Variants in SENP6 observed in about 807,000 individuals in gnomAD.
SENP6 encodes the protein SUMO specific peptidase 6, also known as sentrin-specific protease 6.
SENP6 carries 41 observed loss-of-function variants against 134.5 expected under a neutral mutation model. That is an observed-to-expected ratio of 0.30 (90% CI 0.24 to 0.40). The LOEUF is 0.40. SENP6 is among the 10% of genes least tolerant of loss of function. SENP6 has a pLI of 1.00. For missense variants in SENP6, 1,248 were observed against 1,312.5 expected, an observed-to-expected ratio of 0.95 and a Z score of 0.76; for synonymous variants, 395 against 429.8, an observed-to-expected ratio of 0.92 and a Z score of 1.00.
At chr6:75,649,208 G>A (rs190803174) in intron 7 of SENP6, among the ~76,000 whole-genome samples, 49 of 151,918 alleles carry the variant, frequency 3.2e-4, no homozygotes, top group Admixed American at 2.8e-3. Flanking sequence ...CCAGCTACTC[G>A]GAAGGCTGAG....
At chr6:75,670,398 C>T (rs1772576763) in intron 10 of SENP6, among the ~76,000 whole-genome samples, 155 bp from the exon 11 acceptor site, 1 of 152,062 alleles carries the variant, frequency 6.6e-6, no homozygotes, top group Non-Finnish European at 1.5e-5. Flanking sequence ...TATATAAAAA[C>T]CATGAATTTT....
chr6:75,699,336 A>C (rs1339652248), intron 18 of SENP6, among the ~76,000 whole-genome samples: 1 of 124,622 alleles, frequency 8.0e-6, no homozygotes, highest in South Asian at 2.7e-4. Flanking sequence ...AAATCAAGAG[A>C]GCTTGTTTTT....
intron 16 of SENP6, among the ~76,000 whole-genome samples, chr6:75,691,841 G>A (rs1361549034): frequency 1.3e-5 from 2 of 151,860 alleles, no homozygotes; most frequent in African/African-American, 4.8e-5. Context: ...TGATCCGCCC[G>A]CCTCGGCCTC....
Position 75,695,886 on chromosome 6 carries a change from CAGAG to C in SENP6, c.2165_2168del (p.Glu722GlyfsTer19). 1 of 1,605,966 alleles carries C rather than the reference CAGAG, an allele frequency of 6.2e-7. No homozygotes were observed. Among genetic ancestry groups the C allele is most frequent in the East Asian group, 2.2e-5 (1 of 44,522 alleles). On this transcript the variant is annotated frameshift_variant, in exon 17 of 24. Transcript: ENST00000447266. LOFTEE classifies it high-confidence loss of function. ...TTCTTTTTTCTATAAACGCCTTAATCAGAGAGAGAGGAGAAATCATGAAACAACT... is the reference window on the plus strand; with the variant it reads ...TTCTTTTTTCTATAAACGCCTTAATCAGAGAGGAGAAATCATGAAACAACT...
At chr6:75,667,022 T>G (rs994982275) in intron 10 of SENP6, 81 bp downstream of exon 10, 2 of 768,264 alleles carry the variant, frequency 2.6e-6, no homozygotes, top group African/African-American at 3.5e-5. Flanking sequence ...GGCAGTTTGG[T>G]AGTGCCAAGA....
rs139949047 is a variant in SENP6, at chr6:75,679,023, T to G, written c.2075+96T>G. 8 of 650,664 alleles carry G rather than the reference T, an allele frequency of 1.2e-5. No homozygotes were observed. In the African/African-American group the frequency reaches 1.3e-4, roughly 11 times the overall value. The allele number at this position is 650,664 out of a possible 1,614,324, so 40.3% of individuals were successfully genotyped here. On this transcript the variant is annotated intron_variant, in intron 16 of 23. Transcript: ENST00000447266. The stretch of plus-strand genomic sequence containing the variant: ...AGAGTCAGGCTTTTTGAGTTTTAAA[T>G]TCCATCTCTGCCACTTACTGTGTGA...
At chr6:75,664,151 T>C (rs1040861179) in intron 9 of SENP6, among the ~76,000 whole-genome samples, 1 of 151,560 alleles carries the variant, frequency 6.6e-6, no homozygotes, top group Non-Finnish European at 1.5e-5. Context: ...TTCTAAAAAA[T>C]AGAAATTGGG....
chr6:75,647,145 T>C (rs775057), intron 6 of SENP6: 140,048 of 152,196 alleles, frequency 0.92, 65,030 homozygotes, highest in South Asian at 0.99. Context: ...GCACTTTTTG[T>C]AGTTCCCCTT....
intron 19 of SENP6, among the ~76,000 whole-genome samples, chr6:75,707,360 T>G (rs1290615610): frequency 1.2e-5 from 1 of 86,124 alleles, no homozygotes; most frequent in Non-Finnish European, 2.2e-5. Context: ...TTCTTCTTTT[T>G]TTTTTTTTTT....
In SENP6 at chr6:75,715,141, G is replaced by A. The variant is rs190174174; in HGVS notation, c.3130-244G>A. ...TGTGTTCCAATAAAACTTTATTACA[G>A]AAACAGGTGGTGGGCAGAATTTGGT... On this transcript the variant is annotated intron_variant, in intron 23 of 23. Transcript: ENST00000447266. 3.3e-3 allele frequency among the ~76,000 whole-genome samples: 508 copies of A among 152,258 alleles called. 4 individuals carry two copies. Among genetic ancestry groups the A allele is most frequent in the African/African-American group, 0.011 (465 of 41,556 alleles).
intron 7 of SENP6, 61 bp from the exon 8 acceptor site, chr6:75,659,201 T>A (rs954294066): frequency 8.1e-7 from 1 of 1,227,570 alleles, no homozygotes; most frequent in Non-Finnish European, 1.1e-6. Flanking sequence ...ATTATTTTTT[T>A]GCTGAAACAC....
intron 12 of SENP6, 101 bp from the exon 13 acceptor site, chr6:75,675,759 T>C (rs1049180688): frequency 7.6e-6 from 8 of 1,056,796 alleles, no homozygotes; most frequent in Non-Finnish European, 1.1e-5. Context: ...ATAATAAATA[T>C]GTGCTTACAT....
At chr6:75,650,014 A>G (rs1022166354) in intron 7 of SENP6, among the ~76,000 whole-genome samples, 5 of 152,204 alleles carry the variant, frequency 3.3e-5, no homozygotes, top group Admixed American at 6.6e-5. Flanking sequence ...CTTTTCACTA[A>G]TATCCTTTTT....
At chr6:75,689,009 G>C (rs1048249794) in intron 16 of SENP6, among the ~76,000 whole-genome samples, 1 of 152,078 alleles carries the variant, frequency 6.6e-6, no homozygotes, top group African/African-American at 2.4e-5. Context: ...GAGGTTGCGG[G>C]GAGCCGAGAT....
chr6:75,709,540 A>G lies in SENP6; in HGVS notation c.2730A>G (p.Lys910=), dbSNP rs748054072. ...TTATTGATACAGATGGCTTAAGCAAAATCAGACTAAACTATAGCGATGAAT... is the reference window on the plus strand; with the variant it reads ...TTATTGATACAGATGGCTTAAGCAAGATCAGACTAAACTATAGCGATGAAT... ...SSTHHTDGLS[K]IRLNYSDESP... Residue 910 remains lysine, a synonymous_variant, in exon 20 of 24, where the codon AAA becomes AAG. Transcript: ENST00000447266. The G allele has an allele frequency of 1.2e-6, 2 of 1,613,482 alleles. No homozygotes were observed. The highest frequency in any genetic ancestry group is 1.7e-6 in the Non-Finnish European group (2 of 1,179,622).
At chr6:75,639,695 G>A (rs1769880707) in intron 5 of SENP6, among the ~76,000 whole-genome samples, 1 of 152,096 alleles carries the variant, frequency 6.6e-6, no homozygotes, top group African/African-American at 2.4e-5. Context: ...CATGAACTAT[G>A]GAGAAGGGTG....
chr6:75,660,656 G>A (rs974317537), intron 8 of SENP6, among the ~76,000 whole-genome samples: 12 of 151,674 alleles, frequency 7.9e-5, no homozygotes, highest in Admixed American at 5.3e-4. Flanking sequence ...TCCCCGAGAT[G>A]GAGTCTTGCT....
In SENP6 at chr6:75,715,625, A is replaced by G; in HGVS notation, c.*31A>G. 6.4e-7 allele frequency: 1 copy of G among 1,552,836 alleles called. No homozygotes were observed. The highest frequency in any genetic ancestry group is 1.1e-5 in the South Asian group (1 of 87,444). On this transcript the variant is annotated 3_prime_UTR_variant, in exon 24 of 24. Coordinates refer to ENST00000447266, the MANE Select transcript of SENP6 (RefSeq NM_015571.4). ...TCTGTTACTTGTCATTTCTACTTTC[A>G]GAAACTAAATGACTTTCAAATTTGG...
chr6:75,663,907 A>G (rs1226405427), intron 9 of SENP6, among the ~76,000 whole-genome samples: 1 of 151,550 alleles, frequency 6.6e-6, no homozygotes, highest in African/African-American at 2.4e-5. Context: ...ATTTGTTCCT[A>G]ACTCTATATC....
Sources: allele counts gnomAD v4.1 joint callset (sites outside exome capture counted in the v4.1 genomes callset), GRCh38; gene constraint gnomAD v4.1.1; transcripts MANE v1.5; gene names NCBI Gene and HGNC (gene_info 2026-07-23, HGNC 2026-07-21).